HPS5: variants seen among roughly 807,000 people sequenced by gnomAD.
The protein encoded by HPS5 is BLOC-2 complex member HPS5.
Under a neutral mutation model 128.0 loss-of-function variants are expected in HPS5, and 83 were observed. The ratio of observed to expected loss-of-function variants is 0.65; its 90% CI spans 0.54 to 0.78. The LOEUF (loss-of-function observed/expected upper bound fraction) is 0.78. Ranked by LOEUF, HPS5 falls within the 30% of genes least tolerant of loss-of-function variation. The pLI is 0.00. For synonymous variants in HPS5, 475 were observed against 470.2 expected (o/e 1.01, Z -0.13); for missense variants, 1,281 against 1,326.2 (o/e 0.97, Z 0.53).
chr11:18,319,696 G>T lies in HPS5; in HGVS notation c.-49-1789C>A, dbSNP rs556571227. Among the ~76,000 whole-genome samples, 46 of 152,316 alleles carry T rather than the reference G, an allele frequency of 3.0e-4. No homozygotes were observed. The South Asian group carries it at 9.3e-3, about 31-fold the overall frequency. On this transcript the variant is annotated intron_variant, in intron 1 of 22. Coordinates refer to ENST00000349215, the MANE Select transcript of HPS5 (RefSeq NM_181507.2). The stretch of plus-strand genomic sequence containing the variant: ...TGGGAGGTCACACAATTTCTGTAAA[G>T]TGCTGTGGGTGGTTAGATGCTAGAA...
chr11:18,285,301 A>G (rs1859561686), intron 20 of HPS5, 45 bp downstream of exon 20: 1 of 1,210,582 alleles, frequency 8.3e-7, no homozygotes, highest in African/African-American at 1.5e-5. Flanking sequence ...TGTTAACTGA[A>G]ATGTTTCTAA....
intron 21 of HPS5, among the ~76,000 whole-genome samples, 150 bp downstream of exon 21, chr11:18,283,633 AAAAAACAAAAAC>A (rs1195065708): frequency 5.3e-5 from 8 of 152,176 alleles, no homozygotes; most frequent in Admixed American, 2.6e-4. Flanking sequence ...GGCTATAGGT[AAAAAACAAAAAC>A]AAAAACAAAA....
At chr11:18,318,953 A>AC (rs1564989852) in intron 1 of HPS5, among the ~76,000 whole-genome samples, 1 of 151,828 alleles carries the variant, frequency 6.6e-6, no homozygotes, top group Non-Finnish European at 1.5e-5. Flanking sequence ...CGAAGACTAT[A>AC]TTTTTTATTG....
intron 1 of HPS5, among the ~76,000 whole-genome samples, 162 bp downstream of exon 1, chr11:18,321,784 C>A (rs540919703): frequency 1.3e-5 from 2 of 152,306 alleles, no homozygotes; most frequent in South Asian, 4.1e-4. Flanking sequence ...GAAAACAACT[C>A]TCTGCCTCAG....
chr11:18,303,147 G>A (rs1176180818), intron 8 of HPS5, among the ~76,000 whole-genome samples: 1 of 152,126 alleles, frequency 6.6e-6, no homozygotes, highest in Non-Finnish European at 1.5e-5. Flanking sequence ...AGTCCCATAG[G>A]GCACAGTGTA....
chr11:18,317,879 T>C lies in HPS5; in HGVS notation c.-21A>G. ...GCCATTTAGCCAGAAAGCTGAAACT[T>C]GTTGAATGATAGATACAGTATTCCT... On this transcript the variant is annotated 5_prime_UTR_variant, in exon 2 of 23. Transcript: ENST00000349215. 6.2e-7 allele frequency: 1 copy of C among 1,608,734 alleles called. No homozygotes were observed. Among genetic ancestry groups the C allele is most frequent in the East Asian group, 2.2e-5 (1 of 44,878 alleles).
Position 18,311,004 on chromosome 11 carries a change from T to C in HPS5, c.285-71A>G, listed in dbSNP as rs1219573622. 4 of 1,041,502 alleles carry C rather than the reference T, an allele frequency of 3.8e-6. No individual in the cohort carries two copies. In the African/African-American group the frequency reaches 6.3e-5, roughly 16 times the overall value. The allele number at this position is 1,041,502 out of a possible 1,614,324, so 64.5% of individuals were successfully genotyped here. A position where few individuals can be genotyped will look rare whatever the true frequency, so the allele number is the denominator to read the frequency against. The stretch of plus-strand genomic sequence containing the variant: ...GGTACAATTTTGTTGCATCACAGTA[T>C]CAACTATATCAAATACATATGCAAC... On this transcript the variant is annotated intron_variant, in intron 4 of 22. Coordinates refer to ENST00000349215, the MANE Select transcript of HPS5 (RefSeq NM_181507.2).
intron 19 of HPS5, 141 bp from the exon 20 acceptor site, chr11:18,285,600 C>T: frequency 1.5e-6 from 1 of 647,864 alleles, no homozygotes; most frequent in Non-Finnish European, 2.7e-6. Context: ...CTTTTGAAAA[C>T]TTAAAAATAG....
chr11:18,295,192 C>T, intron 13 of HPS5, 23 bp from the exon 14 acceptor site: 1 of 1,609,172 alleles, frequency 6.2e-7, no homozygotes, highest in Non-Finnish European at 8.5e-7. Flanking sequence ...TAACAAAAAA[C>T]TAACATGAAT....
chr11:18,310,860 C>T lies in HPS5; in HGVS notation c.358G>A (p.Glu120Lys). The T allele has an allele frequency of 6.2e-7, 1 of 1,611,132 alleles. No individual in the cohort carries two copies. The highest frequency in any genetic ancestry group is 8.5e-7 in the Non-Finnish European group (1 of 1,178,906). The change falls in exon 5 of 23, where the codon GAA becomes AAA. Residue 120 changes from glutamate (E) to lysine (K), a missense_variant. Transcript: ENST00000349215. ...GKPEQMYVSS[E>K]HKGRRVTALC... is the part of the protein sequence containing the mutation. ...GCTGTGACTCTTCGGCCTTTGTGTT[C>T]TGAAGACACATACATTTGTTCCGGT...
intron 6 of HPS5, among the ~76,000 whole-genome samples, chr11:18,307,048 A>G (rs1256257942): frequency 6.6e-6 from 1 of 152,214 alleles, no homozygotes; most frequent in East Asian, 1.9e-4. Context: ...ATATGGAATT[A>G]CACGCTTCCT....
chr11:18,282,146 G>C lies in HPS5; in HGVS notation c.3133C>G (p.Pro1045Ala). ...LIQSKSTRPA[P>A]QESLNGSLSD... ...AGGCTCCCATTTAGTGACTCCTGGGGGGCTGGCCTCGTGCTCTTGCTCTGT... is the reference window on the plus strand; with the variant it reads ...AGGCTCCCATTTAGTGACTCCTGGGCGGCTGGCCTCGTGCTCTTGCTCTGT... The change falls in exon 22 of 23, where the codon CCC (proline) becomes GCC (alanine). Residue 1045 changes from proline (P) to alanine (A), a missense_variant. Physicochemically the swap from Pro to Ala is conservative, Grantham distance 27. Transcript: ENST00000349215. The C allele has an allele frequency of 6.2e-7, 1 of 1,614,122 alleles. No individual in the cohort carries two copies. Among genetic ancestry groups the C allele is most frequent in the African/African-American group, 1.3e-5 (1 of 75,018 alleles).
At chr11:18,303,560 A>G (rs72865187) in intron 8 of HPS5, among the ~76,000 whole-genome samples, 1 of 152,284 alleles carries the variant, frequency 6.6e-6, no homozygotes, top group Non-Finnish European at 1.5e-5. Flanking sequence ...CTACCAGGAG[A>G]GCTAAGTGTA....
intron 17 of HPS5, 88 bp from the exon 18 acceptor site, chr11:18,287,778 A>G: frequency 6.3e-7 from 1 of 1,585,026 alleles, no homozygotes; most frequent in Non-Finnish European, 8.6e-7. Context: ...ACAAATGAAA[A>G]TAAATATACT....
At chr11:18,280,017 A>G in intron 22 of HPS5, 75 bp from the exon 23 acceptor site, 6 of 1,428,660 alleles carry the variant, frequency 4.2e-6, no homozygotes, top group Non-Finnish European at 5.9e-6. Flanking sequence ...TAAAAACTAC[A>G]GAGTTTCAGA....
intron 13 of HPS5, among the ~76,000 whole-genome samples, chr11:18,295,698 T>C (rs1860972419): frequency 6.6e-6 from 1 of 152,084 alleles, no homozygotes; most frequent in African/African-American, 2.4e-5. Context: ...AAACTGACCA[T>C]TAGAAAGGAT....
At position 18,302,978 on chromosome 11, in the gene HPS5, G is replaced by A. The variant is rs200048506; in HGVS notation, c.897-2062C>T. 1.2e-4 allele frequency among the ~76,000 whole-genome samples: 19 copies of A among 152,222 alleles called. No individual in the cohort carries two copies. In the East Asian group the frequency reaches 2.1e-3, roughly 17 times the overall value. On this transcript the variant is annotated intron_variant, in intron 8 of 22. Coordinates refer to ENST00000349215, the MANE Select transcript of HPS5 (RefSeq NM_181507.2). ...GGAACTTAGATAAAAGCTGATACTT[G>A]TAATTTATACATTCCTTGTCCCCTT...
At position 18,296,020 on chromosome 11, in the gene HPS5, G is replaced by C; in HGVS notation, c.1613C>G (p.Ser538Cys). Reference sequence around the variant, plus strand: ...TTACCTTTCTTTGACAGCCTGAAGAGACACAAGAGGAGATGGAGAACGAAA... The same window carrying C: ...TTACCTTTCTTTGACAGCCTGAAGACACACAAGAGGAGATGGAGAACGAAA... ...LPFRSPSPLV[S>C]LQAVKESVSS... Residue 538 changes from serine (S) to cysteine (C), a missense_variant, in exon 13 of 23, where the codon TCT becomes TGT. Ser to Cys is a moderately radical substitution (Grantham distance 112, BLOSUM62 -1). Transcript: ENST00000349215. 1 of 1,613,638 alleles carries C rather than the reference G, an allele frequency of 6.2e-7. No homozygotes were observed.
Position 18,295,128 on chromosome 11 carries a change from G to T in HPS5, c.1676C>A (p.Thr559Asn). 6.2e-7 allele frequency: 1 copy of T among 1,614,160 alleles called. No individual in the cohort carries two copies. The highest frequency in any genetic ancestry group is 1.3e-5 in the African/African-American group (1 of 75,034). The change falls in exon 14 of 23, where the codon ACC becomes AAC. Residue 559 changes from threonine to asparagine, a missense_variant. By Grantham distance (65) the Thr-to-Asn change is moderately conservative. Transcript: ENST00000349215. ...FVRKTTEKIG[T>N]LHTSPDLKVR... ...TTTCAGATCAGGGCTCGTGTGAAGGGTGCCAATCTTCTCAGTAGTTTTACG... is the reference window on the plus strand; with the variant it reads ...TTTCAGATCAGGGCTCGTGTGAAGGTTGCCAATCTTCTCAGTAGTTTTACG...
Sources: gnomAD v4.1 joint callset for allele counts (sites outside exome capture counted in the v4.1 genomes callset) on GRCh38, gnomAD v4.1.1 for gene constraint, MANE v1.5 for transcripts, NCBI Gene and HGNC (gene_info 2026-07-23, HGNC 2026-07-21) for gene names.